Variants in BRF1 observed in about 807,000 individuals in gnomAD.
BRF1 encodes transcription factor IIIB 90 kDa subunit.
BRF1 carries 59 observed loss-of-function variants against 81.7 expected under a neutral mutation model. The observed-to-expected ratio is 0.72, with a 90% CI of 0.59 to 0.90. The LOEUF is 0.90. Among genes scored for constraint, BRF1 ranks in the 40% least tolerant of loss-of-function variants. The pLI, the probability that BRF1 is intolerant of heterozygous loss-of-function variation, is 0.00. For synonymous variants in BRF1, 491 were observed against 395.6 expected (o/e 1.24, Z -2.86); for missense variants, 1,050 against 936.3 (o/e 1.12, Z -1.58).
rs1427748623 is a variant in BRF1, at chr14:105,284,035, T to C, written c.265+2261A>G. On this transcript the variant is annotated intron_variant, in intron 2 of 17. Coordinates refer to ENST00000547530, the MANE Select transcript of BRF1 (RefSeq NM_001519.4). This position sits in a 1 kb window ranked among gnomAD's most constrained non-coding sequence, Gnocchi z 4.0. ...GGTAGGACAGGACGGATCCAGTCAC[T>C]GTGCCAGGTCTTCATGCACACTCTC... is the stretch of plus-strand genomic sequence containing the variant. Among the ~76,000 whole-genome samples, 1 of 151,446 alleles carries C rather than the reference T, an allele frequency of 6.6e-6. No homozygotes were observed. Among genetic ancestry groups the C allele is most frequent in the African/African-American group, 2.4e-5 (1 of 41,138 alleles).
At chr14:105,313,218 G>T (rs776482519) in intron 1 of BRF1, among the ~76,000 whole-genome samples, 1 of 152,186 alleles carries the variant, frequency 6.6e-6, no homozygotes, top group Non-Finnish European at 1.5e-5. Context: ...CTGCACGCTC[G>T]CCAGGTCCAG....
chr14:105,257,621 C>T (rs974245368), intron 3 of BRF1, among the ~76,000 whole-genome samples: 8 of 152,142 alleles, frequency 5.3e-5, no homozygotes, highest in Admixed American at 2.0e-4. Context: ...GCCGAGACAA[C>T]GGGCAGGACC....
At chr14:105,289,639 A>G (rs74092242) in intron 1 of BRF1, among the ~76,000 whole-genome samples, 83 of 152,008 alleles carry the variant, frequency 5.5e-4, no homozygotes, top group African/African-American at 2.0e-3. Context: ...AGCAGTGTGT[A>G]TTCTTTTTTT....
chr14:105,211,463 G>C (rs1170407760), intron 16 of BRF1, 170 bp from the exon 17 acceptor site: 1 of 612,726 alleles, frequency 1.6e-6, no homozygotes, highest in Non-Finnish European at 2.8e-6. Context: ...TGGCCTCCTG[G>C]GGGCTGTGCC....
At chr14:105,254,321 A>G (rs2140314369) in intron 4 of BRF1, among the ~76,000 whole-genome samples, 1 of 152,158 alleles carries the variant, frequency 6.6e-6, no homozygotes, top group South Asian at 2.1e-4. Flanking sequence ...CAGTGGTGCA[A>G]TCTCTGCTCA....
At position 105,211,201 on chromosome 14, in the gene BRF1, G is replaced by A. The variant is rs199836794; in HGVS notation, c.1917C>T (p.Asp639=). The change falls in exon 17 of 18, where the codon GAC becomes GAT. Residue 639 remains aspartate, a synonymous_variant. Coordinates refer to ENST00000547530, the MANE Select transcript of BRF1 (RefSeq NM_001519.4). The stretch of plus-strand genomic sequence containing the variant: ...CAGGCTCCTCCTCGTCAGCCTCCTC[G>A]TCGGCGTGGTATGACACGGGCCCGC... ...VESGPVSYHA[D]EEADEEEPDE... is the part of the protein sequence containing the mutation. 97 of 1,611,810 alleles carry A rather than the reference G, an allele frequency of 6.0e-5. No individual in the cohort carries two copies. Among genetic ancestry groups the A allele is most frequent in the Non-Finnish European group, 7.4e-5 (87 of 1,179,866 alleles).
chr14:105,209,398 G>A lies in BRF1; in HGVS notation c.*1153C>T, dbSNP rs1889825164. 1 of 649,214 alleles carries A rather than the reference G, an allele frequency of 1.5e-6. No homozygotes were observed. The highest frequency in any genetic ancestry group is 1.8e-5 in the African/African-American group (1 of 55,848). 40.2% of individuals were successfully genotyped at this position (649,214 alleles called of 1,614,324 possible). A position where few individuals can be genotyped will look rare whatever the true frequency, so the allele number is the denominator to read the frequency against. On this transcript the variant is annotated 3_prime_UTR_variant, in exon 18 of 18. Coordinates refer to ENST00000547530, the MANE Select transcript of BRF1 (RefSeq NM_001519.4). ...GCTACTGAGCTCTGGGCGGGGGTAG[G>A]GGGGTCTGGCCTGCTGCGGGCCAAG...
rs587708306 is a variant in BRF1 at position 105,241,281 on chromosome 14, C to A, written c.678G>T (p.Ser226=). 84 of 1,611,878 alleles carry A rather than the reference C, an allele frequency of 5.2e-5. No homozygotes were observed. The highest frequency in any genetic ancestry group is 2.2e-4 in the Admixed American group (13 of 59,980). The part of the protein sequence containing the change: ...RDWMHTGRRP[S]GLCGAALLVA... ...CCGCTGTACCTGCTCCGCAGAGGCC[C>A]GAGGGGCGCCGGCCTGTGTGCATCC... Residue 226 remains serine (S), a synonymous_variant, in exon 6 of 18, where the codon TCG becomes TCT. Coordinates refer to ENST00000547530, the MANE Select transcript of BRF1 (RefSeq NM_001519.4).
At chr14:105,313,324 C>T (rs764888402) in intron 1 of BRF1, among the ~76,000 whole-genome samples, 43 of 152,198 alleles carry the variant, frequency 2.8e-4, no homozygotes, top group Non-Finnish European at 5.6e-4. Context: ...TACCCCCTCT[C>T]TGGACATAGT....
chr14:105,223,755 C>A (rs2010787), intron 10 of BRF1, among the ~76,000 whole-genome samples: 1 of 151,994 alleles, frequency 6.6e-6, no homozygotes, highest in African/African-American at 2.4e-5. Context: ...GTTCAGAAAT[C>A]AAAGGGCACA....
At chr14:105,254,620 G>A (rs1430949002) in intron 4 of BRF1, among the ~76,000 whole-genome samples, 7 of 151,664 alleles carry the variant, frequency 4.6e-5, no homozygotes, top group Non-Finnish European at 1.0e-4. Flanking sequence ...GGAGTGCAAT[G>A]GCGCAATCGT....
chr14:105,252,170 G>A (rs1386856793), intron 5 of BRF1, among the ~76,000 whole-genome samples: 3 of 152,152 alleles, frequency 2.0e-5, no homozygotes, highest in Non-Finnish European at 4.4e-5. Flanking sequence ...AGGCCTTCTG[G>A]TTTTGCAGCA....
intron 1 of BRF1, chr14:105,314,847 CCGGCCCGCCCGCCGCGCGTCCG>C (rs1041043029): frequency 3.3e-5 from 22 of 662,016 alleles, no homozygotes; most frequent in Middle Eastern, 7.8e-4. Context: ...CTCCGCGCGC[CCGGCCCGCCCGCCGCGCGTCCG>C]CGGCCCGGCC....
At chr14:105,289,111 C>G (rs186443581) in intron 1 of BRF1, among the ~76,000 whole-genome samples, 3 of 151,270 alleles carry the variant, frequency 2.0e-5, no homozygotes, top group African/African-American at 7.3e-5. Context: ...CTTTGAGAGG[C>G]TGAGGCAGGA....
Position 105,272,722 on chromosome 14 carries a change from C to A in BRF1, c.438G>T (p.Pro146=). The change falls in exon 3 of 18, where the codon CCG becomes CCT. Residue 146 remains proline (P), a splice_region_variant and synonymous_variant. Coordinates refer to ENST00000547530, the MANE Select transcript of BRF1 (RefSeq NM_001519.4). ...GGAGGCTCTCAAACCAAAGGATACG[C>A]GGCGTGCCCTCCGTACGGCAGACCA... ...LYLVCRTEGT[P]HMLLDLSDLL... 1 of 1,604,330 alleles carries A rather than the reference C, an allele frequency of 6.2e-7. No homozygotes were observed. The highest frequency in any genetic ancestry group is 8.5e-7 in the Non-Finnish European group (1 of 1,172,752).
In BRF1 at chr14:105,300,524, T is replaced by C; in HGVS notation, c.106A>G (p.Ile36Val). Reference protein sequence around the residue: ...TACGSVLEDNIIVSEVQFVES... With the variant: ...TACGSVLEDNVIVSEVQFVES... Reference sequence around the variant, plus strand: ...ACGAACTGCACCTCGGACACGATGATGTTGTCCTCCAGCACTGAGCCGCAG... The same window carrying C: ...ACGAACTGCACCTCGGACACGATGACGTTGTCCTCCAGCACTGAGCCGCAG... The change falls in exon 1 of 18, where the codon ATC becomes GTC. Residue 36 changes from isoleucine to valine, a missense_variant. By Grantham distance (29) the Ile-to-Val change is conservative. Around this residue, in one of 2 missense-constraint regions of BRF1, gnomAD observed 1,043 missense variants for 915.4 expected, o/e 1.14. Transcript: ENST00000547530. 6.5e-7 allele frequency: 1 copy of C among 1,537,978 alleles called. No individual in the cohort carries two copies. Among genetic ancestry groups the C allele is most frequent in the Non-Finnish European group, 8.7e-7 (1 of 1,144,696 alleles).
chr14:105,300,347 G>T, intron 1 of BRF1, 99 bp downstream of exon 1: 1 of 1,279,796 alleles, frequency 7.8e-7, no homozygotes, highest in Non-Finnish European at 1.0e-6. Flanking sequence ...CCGACAGAGC[G>T]TGCGGTACCG....
rs186230030 is a variant in BRF1, at chr14:105,260,190, G to C, written c.440-3641C>G. On this transcript the variant is annotated intron_variant, in intron 3 of 17. Coordinates refer to ENST00000547530, the MANE Select transcript of BRF1 (RefSeq NM_001519.4). ...TCAGAGGAGAAAAAGACCCAGGAAC[G>C]ATGCTCACCCCCATTGAGCTGATGG... Among the ~76,000 whole-genome samples the C allele has an allele frequency of 5.5e-4, 84 of 152,200 alleles. 1 individual carries two copies. The highest frequency in any genetic ancestry group is 2.0e-3 in the African/African-American group (82 of 41,526).
upstream of BRF1, among the ~76,000 whole-genome samples, chr14:105,305,945 C>T (rs992608337): frequency 6.6e-5 from 10 of 152,384 alleles, no homozygotes; most frequent in South Asian, 2.1e-4. Flanking sequence ...CAGTGATCTC[C>T]GCTCTGGCTG....
Sources: gnomAD v4.1 joint callset for allele counts (sites outside exome capture counted in the v4.1 genomes callset) on GRCh38, gnomAD v4.1.1 for gene constraint, gnomAD v4.1.1 regional missense constraint, Gnocchi (gnomAD v3.1) non-coding constraint, MANE v1.5 for transcripts, NCBI Gene and HGNC (gene_info 2026-07-23, HGNC 2026-07-21) for gene names.